AGBL4: variants seen among roughly 807,000 people sequenced by gnomAD.
The protein encoded by AGBL4 is AGBL carboxypeptidase 4.
AGBL4 carries 58 observed loss-of-function variants against 66.4 expected under a neutral mutation model. That is an observed-to-expected ratio of 0.87 (90% CI 0.71 to 1.09). The LOEUF (loss-of-function observed/expected upper bound fraction) is 1.09. Among genes scored for constraint, AGBL4 ranks in the 50% least tolerant of loss-of-function variants. The pLI, the probability that AGBL4 is intolerant of heterozygous loss-of-function variation, is 0.00. For missense variants in AGBL4, 579 were observed against 631.0 expected, an observed-to-expected ratio of 0.92 and a Z score of 0.88; for synonymous variants, 234 against 222.9, an observed-to-expected ratio of 1.05 and a Z score of -0.44.
chr1:49,579,917 C>T (rs1644509148), intron 3 of AGBL4, among the ~76,000 whole-genome samples: 1 of 151,954 alleles, frequency 6.6e-6, no homozygotes, highest in East Asian at 1.9e-4. Context: ...TATTGAAGTC[C>T]CCTGGTATTC....
intron 4 of AGBL4, among the ~76,000 whole-genome samples, chr1:49,139,425 C>T (rs888927608): frequency 1.3e-5 from 2 of 152,070 alleles, no homozygotes; most frequent in Admixed American, 1.3e-4. Context: ...TTTATGAGAG[C>T]TTGCTATGTG....
At chr1:49,365,220 A>C (rs1313799892) in intron 3 of AGBL4, among the ~76,000 whole-genome samples, 1 of 152,202 alleles carries the variant, frequency 6.6e-6, no homozygotes, top group Non-Finnish European at 1.5e-5. Flanking sequence ...AGAGACATTA[A>C]AGAAATGGCA....
chr1:49,026,241 A>G (rs954379743), intron 5 of AGBL4, among the ~76,000 whole-genome samples: 8 of 152,260 alleles, frequency 5.3e-5, no homozygotes, highest in Admixed American at 5.2e-4. Flanking sequence ...AAAGGGAGAA[A>G]GTTGTCTCAG....
intron 6 of AGBL4, among the ~76,000 whole-genome samples, chr1:48,754,262 A>G (rs1013946244): frequency 2.0e-5 from 3 of 152,148 alleles, no homozygotes; most frequent in South Asian, 2.1e-4. Flanking sequence ...CCCTCCCCCA[A>G]CTGGGTCTCT....
intron 3 of AGBL4, among the ~76,000 whole-genome samples, chr1:49,294,084 A>G (rs1442533120): frequency 2.0e-5 from 3 of 152,212 alleles, no homozygotes; most frequent in Non-Finnish European, 2.9e-5. Flanking sequence ...AGTACTAGAG[A>G]AAGCACAGGA....
intron 8 of AGBL4, among the ~76,000 whole-genome samples, chr1:48,639,962 C>T (rs907223846): frequency 2.6e-5 from 4 of 152,200 alleles, no homozygotes; most frequent in Admixed American, 2.6e-4. Flanking sequence ...AAGATGGCCT[C>T]CAGATGCCAG....
chr1:49,318,090 T>C (rs1645070731), intron 3 of AGBL4, among the ~76,000 whole-genome samples: 1 of 151,994 alleles, frequency 6.6e-6, no homozygotes, highest in Non-Finnish European at 1.5e-5. Flanking sequence ...CTTTGCAGAA[T>C]GACAGAAAAG....
At chr1:49,557,527 C>A (rs1184586684) in intron 3 of AGBL4, among the ~76,000 whole-genome samples, 1 of 152,072 alleles carries the variant, frequency 6.6e-6, no homozygotes, top group Non-Finnish European at 1.5e-5. Context: ...CCTCTTAGAG[C>A]AGAAAGGAAA....
intron 3 of AGBL4, among the ~76,000 whole-genome samples, chr1:49,549,086 A>G (rs1237238479): frequency 1.3e-5 from 2 of 151,348 alleles, no homozygotes; most frequent in Non-Finnish European, 3.0e-5. Flanking sequence ...TTTACAGTTT[A>G]TATTCACAGT....
At chr1:49,715,649 T>C (rs1648058228) in intron 2 of AGBL4, among the ~76,000 whole-genome samples, 1 of 152,166 alleles carries the variant, frequency 6.6e-6, no homozygotes, top group East Asian at 1.9e-4. Flanking sequence ...ATGATCACCA[T>C]TCTAACTGGC....
intron 5 of AGBL4, among the ~76,000 whole-genome samples, chr1:48,901,707 A>T (rs1365362253): frequency 6.6e-6 from 1 of 152,170 alleles, no homozygotes; most frequent in East Asian, 1.9e-4. Flanking sequence ...TGCAAACTAT[A>T]GTGACAGAAA....
rs1645331526 is a variant in AGBL4 at position 49,107,978 on chromosome 1, CA to C, written c.378-62179del. 3.9e-5 allele frequency among the ~76,000 whole-genome samples: 6 copies of C among 152,228 alleles called. No homozygotes were observed. In the South Asian group the frequency reaches 1.2e-3, roughly 32 times the overall value. ...GTGCTAATTTTACTTGAATCTTTGA[CA>C]AATAAACCTAAAAACCCACTTCAGG... On this transcript the variant is annotated intron_variant, in intron 4 of 13. Transcript: ENST00000371839.
intron 5 of AGBL4, among the ~76,000 whole-genome samples, chr1:49,013,209 G>A (rs960568607): frequency 6.6e-6 from 1 of 152,186 alleles, no homozygotes. Context: ...CCAAAGAGAT[G>A]AGTGTTTGTA....
intron 3 of AGBL4, among the ~76,000 whole-genome samples, chr1:49,465,073 A>G (rs1310622776): frequency 1.3e-5 from 2 of 151,712 alleles, no homozygotes; most frequent in African/African-American, 4.8e-5. Context: ...TAAACCAAAC[A>G]AAGTAGAATG....
chr1:48,623,716 T>C (rs1260360821), intron 9 of AGBL4, among the ~76,000 whole-genome samples: 2 of 152,216 alleles, frequency 1.3e-5, no homozygotes, highest in Non-Finnish European at 2.9e-5. Flanking sequence ...AAATGTAACC[T>C]GTACTCTGCA....
At chr1:48,965,377 G>A (rs1417713350) in intron 5 of AGBL4, among the ~76,000 whole-genome samples, 2 of 152,044 alleles carry the variant, frequency 1.3e-5, no homozygotes, top group African/African-American at 2.4e-5. Flanking sequence ...TTAAAAAGAT[G>A]GGCACTATTT....
intron 3 of AGBL4, among the ~76,000 whole-genome samples, chr1:49,674,754 A>C (rs1353444108): frequency 6.6e-6 from 1 of 152,058 alleles, no homozygotes; most frequent in African/African-American, 2.4e-5. Flanking sequence ...GTAGAATTAC[A>C]GTCTTTGAGA....
chr1:49,125,275 A>AAT (rs1267704080), intron 4 of AGBL4, among the ~76,000 whole-genome samples: 6 of 152,084 alleles, frequency 3.9e-5, no homozygotes, highest in South Asian at 4.1e-4. Flanking sequence ...GTAGGTACTT[A>AAT]ATATATATAT....
rs117345796 is a variant in AGBL4 at position 48,950,755 on chromosome 1, C to T, written c.595-83525G>A. The stretch of plus-strand genomic sequence containing the variant: ...TGGTCTCCTGGCCAGGCCATACCAA[C>T]CATGCCCACATTTTGTCCTTTAGAC... On this transcript the variant is annotated intron_variant, in intron 5 of 13. Transcript: ENST00000371839. Among the ~76,000 whole-genome samples, 382 of 152,264 alleles carry T rather than the reference C, an allele frequency of 2.5e-3. 8 individuals are homozygous for T. The East Asian group carries it at 0.068, about 27-fold the overall frequency.
Sources: allele counts gnomAD v4.1 joint callset (sites outside exome capture counted in the v4.1 genomes callset), GRCh38; gene constraint gnomAD v4.1.1; transcripts MANE v1.5; gene names NCBI Gene and HGNC (gene_info 2026-07-23, HGNC 2026-07-21).